Variants in NELL1 observed in about 807,000 individuals in gnomAD.
NELL1 encodes the protein protein kinase C-binding protein NELL1.
NELL1 carries 76 observed loss-of-function variants against 107.4 expected under a neutral mutation model. The ratio of observed to expected loss-of-function variants is 0.71; its 90% confidence interval spans 0.59 to 0.86. NELL1 has a LOEUF of 0.86. Among genes scored for constraint, NELL1 ranks in the 40% least tolerant of loss-of-function variants. The pLI, the probability that NELL1 is intolerant of heterozygous loss-of-function variation, is 0.00. For synonymous variants in NELL1, 353 were observed against 341.2 expected, an observed-to-expected ratio of 1.03 and a Z score of -0.38; for missense variants, 1,024 against 1,005.5, an observed-to-expected ratio of 1.02 and a Z score of -0.25.
intron 12 of NELL1, among the ~76,000 whole-genome samples, chr11:21,066,969 G>GTAAATAAATACA (rs1554964430): frequency 6.7e-6 from 1 of 148,428 alleles, no homozygotes; most frequent in Non-Finnish European, 1.5e-5. Context: ...AATTTAAAAA[G>GTAAATAAATACA]TAAATAAATA....
At chr11:21,309,532 A>G (rs1849701611) in intron 14 of NELL1, among the ~76,000 whole-genome samples, 1 of 151,778 alleles carries the variant, frequency 6.6e-6, no homozygotes, top group Non-Finnish European at 1.5e-5. Context: ...TTAATCTTTC[A>G]CTTTACAAAT....
intron 12 of NELL1, among the ~76,000 whole-genome samples, chr11:20,990,715 A>T (rs1205877125): frequency 6.6e-6 from 1 of 152,184 alleles, no homozygotes; most frequent in African/African-American, 2.4e-5. Context: ...TTTTGCTTCT[A>T]TGCATAGGCG....
intron 12 of NELL1, among the ~76,000 whole-genome samples, chr11:21,107,388 G>A (rs1464306495): frequency 6.6e-6 from 1 of 152,080 alleles, no homozygotes; most frequent in Non-Finnish European, 1.5e-5. Flanking sequence ...CAACCAGTTA[G>A]CCAACACCAC....
At chr11:21,167,362 T>C (rs917258648) in intron 13 of NELL1, among the ~76,000 whole-genome samples, 1 of 151,196 alleles carries the variant, frequency 6.6e-6, no homozygotes, top group East Asian at 1.9e-4. Context: ...TTGGGTACTG[T>C]TTTTTTTGGC....
chr11:21,390,486 G>T (rs960403754), intron 15 of NELL1, among the ~76,000 whole-genome samples: 1 of 149,046 alleles, frequency 6.7e-6, no homozygotes, highest in Admixed American at 6.7e-5. Context: ...TTTTTCGACC[G>T]CTCATCCACA....
intron 14 of NELL1, among the ~76,000 whole-genome samples, chr11:21,307,173 G>T (rs1159649914): frequency 1.3e-5 from 2 of 151,882 alleles, no homozygotes; most frequent in Non-Finnish European, 2.9e-5. Context: ...TTTTCCTCTT[G>T]CAGGTGTCAT....
intron 13 of NELL1, among the ~76,000 whole-genome samples, chr11:21,128,698 A>G (rs1308948749): frequency 6.6e-6 from 1 of 152,188 alleles, no homozygotes; most frequent in Non-Finnish European, 1.5e-5. Context: ...GAGGGGGATG[A>G]AGGAACAATT....
chr11:20,928,700 C>G (rs776929326), intron 9 of NELL1, among the ~76,000 whole-genome samples: 1 of 152,152 alleles, frequency 6.6e-6, no homozygotes, highest in Admixed American at 6.5e-5. Flanking sequence ...CTCACATCAC[C>G]TGTAATTACT....
At chr11:20,737,717 C>A (rs1284739258) in intron 2 of NELL1, among the ~76,000 whole-genome samples, 4 of 151,678 alleles carry the variant, frequency 2.6e-5, no homozygotes, top group African/African-American at 9.7e-5. Flanking sequence ...TTGTATTATT[C>A]CATAATGGTA....
intron 14 of NELL1, among the ~76,000 whole-genome samples, chr11:21,356,222 C>T (rs1467884465): frequency 6.6e-6 from 1 of 152,134 alleles, no homozygotes; most frequent in Non-Finnish European, 1.5e-5. Flanking sequence ...GTAAACCCAT[C>T]AGAAATATTT....
chr11:21,021,239 G>A (rs2134302407), intron 12 of NELL1, among the ~76,000 whole-genome samples: 1 of 146,248 alleles, frequency 6.8e-6, no homozygotes, highest in South Asian at 2.3e-4. Flanking sequence ...TGCATACTCT[G>A]AATGCAACAA....
At chr11:21,554,067 ACT>A (rs1158453105) in intron 16 of NELL1, among the ~76,000 whole-genome samples, 1 of 151,226 alleles carries the variant, frequency 6.6e-6, no homozygotes, top group African/African-American at 2.4e-5. Context: ...GTGCAGTAAA[ACT>A]CTGTTTAAAC....
At chr11:21,156,802 A>G (rs1213522942) in intron 13 of NELL1, among the ~76,000 whole-genome samples, 2 of 152,052 alleles carry the variant, frequency 1.3e-5, no homozygotes, top group African/African-American at 4.8e-5. Flanking sequence ...ATTAATATAT[A>G]CCAAATTAGG....
chr11:21,499,068 G>A (rs1428747610), intron 15 of NELL1, among the ~76,000 whole-genome samples: 2 of 151,782 alleles, frequency 1.3e-5, no homozygotes, highest in East Asian at 3.9e-4. Context: ...TTTGTTACAT[G>A]TTTGTTACAC....
intron 13 of NELL1, among the ~76,000 whole-genome samples, chr11:21,207,784 C>T (rs1251975701): frequency 6.6e-6 from 1 of 152,136 alleles, no homozygotes; most frequent in East Asian, 1.9e-4. Flanking sequence ...AAGAGTTTGC[C>T]AAACCTCTCC....
chr11:21,005,984 T>C (rs907123840), intron 12 of NELL1, among the ~76,000 whole-genome samples: 24 of 152,002 alleles, frequency 1.6e-4, no homozygotes, highest in African/African-American at 5.8e-4. Context: ...TTCATCTCCT[T>C]TAATCACAGT....
chr11:20,911,429 C>T (rs190419327), intron 5 of NELL1, among the ~76,000 whole-genome samples: 10 of 152,184 alleles, frequency 6.6e-5, no homozygotes, highest in African/African-American at 2.4e-4. Context: ...CTTATATAGC[C>T]CAGAAGTGAT....
intron 3 of NELL1, among the ~76,000 whole-genome samples, chr11:20,796,278 C>G (rs76123666): frequency 0.034 from 5,129 of 152,090 alleles, 285 homozygotes; most frequent in African/African-American, 0.12. Flanking sequence ...GCATGTTTAC[C>G]TTCTTAATTA....
chr11:21,311,603 C>G (rs992077779), intron 14 of NELL1, among the ~76,000 whole-genome samples: 3 of 152,056 alleles, frequency 2.0e-5, no homozygotes, highest in African/African-American at 7.2e-5. Flanking sequence ...ACTTTTAATG[C>G]AAGAATTGGG....
Sources: allele counts gnomAD v4.1 joint callset (sites outside exome capture counted in the v4.1 genomes callset), GRCh38; gene constraint gnomAD v4.1.1; transcripts MANE v1.5; gene names NCBI Gene and HGNC (gene_info 2026-07-23, HGNC 2026-07-21).